The following CAB39L variants were observed in gnomAD, a reference collection of about 807,000 sequenced individuals.
The protein encoded by CAB39L is calcium binding protein 39 like.
In CAB39L, 23 loss-of-function variants were observed where a neutral mutation model predicts 39.1. The ratio of observed to expected loss-of-function variants is 0.59; its 90% CI spans 0.42 to 0.83. The LOEUF (loss-of-function observed/expected upper bound fraction) is 0.83. CAB39L is among the 40% of genes least tolerant of loss of function. The pLI is 0.00. For missense variants in CAB39L, 366 were observed against 391.9 expected, an observed-to-expected ratio of 0.93 and a Z score of 0.56; for synonymous variants, 126 against 137.2, an observed-to-expected ratio of 0.92 and a Z score of 0.57.
At chr13:49,438,707 A>T (rs1957456504) in intron 1 of CAB39L, among the ~76,000 whole-genome samples, 1 of 152,212 alleles carries the variant, frequency 6.6e-6, no homozygotes, top group African/African-American at 2.4e-5. Flanking sequence ...TCAATGCAAG[A>T]AGGGTTTATT....
In CAB39L at chr13:49,439,921, G is replaced by GTTTTTTTT. The variant is rs34993624; in HGVS notation, c.-246+4057_-246+4064dup. Among the ~76,000 whole-genome samples, 138 of 78,560 alleles carry GTTTTTTTT rather than the reference G, an allele frequency of 1.8e-3. 2 individuals carry two copies. Among genetic ancestry groups the GTTTTTTTT allele is most frequent in the East Asian group, 2.9e-3 (6 of 2,062 alleles). 51.5% of individuals were successfully genotyped at this position (78,560 alleles called of 152,430 possible). A position where few individuals can be genotyped will look rare whatever the true frequency, so the allele number is the denominator to read the frequency against. Reference sequence around the variant, plus strand: ...ATGTCTTTTGACCACTTTTTAATGGGTTTTTTTTTTTTTTTTTTTTGCTTG... The same window carrying GTTTTTTTT: ...ATGTCTTTTGACCACTTTTTAATGGGTTTTTTTTTTTTTTTTTTTTTTTTTTTTGCTTG... On this transcript the variant is annotated intron_variant, in intron 1 of 10. Coordinates refer to ENST00000409308, the MANE Select transcript of CAB39L (RefSeq NM_001079670.3).
At chr13:49,404,500 T>A (rs1182459778) in intron 3 of CAB39L, among the ~76,000 whole-genome samples, 2 of 146,446 alleles carry the variant, frequency 1.4e-5, no homozygotes, top group East Asian at 2.0e-4. Flanking sequence ...TTAGAATAAA[T>A]ACCTAACTCT....
intron 9 of CAB39L, among the ~76,000 whole-genome samples, chr13:49,337,579 T>A (rs927134220): frequency 1.3e-5 from 2 of 152,138 alleles, no homozygotes; most frequent in African/African-American, 4.8e-5. Flanking sequence ...AATAGGTGCA[T>A]AACCTCAAGT....
At chr13:49,380,951 G>C (rs1339454755) in intron 4 of CAB39L, among the ~76,000 whole-genome samples, 2 of 152,010 alleles carry the variant, frequency 1.3e-5, no homozygotes, top group Admixed American at 6.6e-5. Flanking sequence ...TTTTAAGATG[G>C]AGTTTTGCTC....
intron 6 of CAB39L, among the ~76,000 whole-genome samples, chr13:49,352,515 A>G (rs1404251795): frequency 1.3e-5 from 2 of 151,944 alleles, no homozygotes; most frequent in Non-Finnish European, 2.9e-5. Context: ...GCACTTTGGG[A>G]GGCTGAGGTG....
chr13:49,354,660 C>T (rs1415903031), intron 6 of CAB39L, among the ~76,000 whole-genome samples: 1 of 152,214 alleles, frequency 6.6e-6, no homozygotes, highest in African/African-American at 2.4e-5. Context: ...TTTTATAGAA[C>T]TGAATCTTAT....
At chr13:49,336,270 T>TA (rs1251369224) in intron 9 of CAB39L, among the ~76,000 whole-genome samples, 1 of 151,968 alleles carries the variant, frequency 6.6e-6, no homozygotes, top group Non-Finnish European at 1.5e-5. Flanking sequence ...AATCTAACAT[T>TA]AAAAAAAACC....
chr13:49,374,257 G>C (rs556928835), intron 5 of CAB39L, among the ~76,000 whole-genome samples: 1 of 152,070 alleles, frequency 6.6e-6, no homozygotes, highest in East Asian at 1.9e-4. Context: ...CTTCATAATA[G>C]TTTTGAATCA....
intron 9 of CAB39L, among the ~76,000 whole-genome samples, chr13:49,333,577 T>TC (rs1954769345): frequency 2.1e-5 from 3 of 143,178 alleles, no homozygotes; most frequent in Non-Finnish European, 4.6e-5. Context: ...TCTTTTTTTT[T>TC]TTTTTTTTTT....
chr13:49,427,430 A>G (rs1957261142), intron 3 of CAB39L, among the ~76,000 whole-genome samples: 1 of 152,108 alleles, frequency 6.6e-6, no homozygotes, highest in Non-Finnish European at 1.5e-5. Flanking sequence ...ATTGTTCCCA[A>G]AGCAATCCCA....
intron 3 of CAB39L, among the ~76,000 whole-genome samples, chr13:49,422,112 A>C (rs1957180498): frequency 6.6e-6 from 1 of 152,118 alleles, no homozygotes; most frequent in East Asian, 1.9e-4. Context: ...ACTGTGCAAC[A>C]ATTTTCTTTT....
At chr13:49,437,162 T>G (rs1343626123) in intron 1 of CAB39L, among the ~76,000 whole-genome samples, 1 of 152,248 alleles carries the variant, frequency 6.6e-6, no homozygotes, top group Non-Finnish European at 1.5e-5. Flanking sequence ...TTGAAATATT[T>G]TATTTTTCCT....
intron 2 of CAB39L, among the ~76,000 whole-genome samples, 182 bp downstream of exon 2, chr13:49,433,904 C>CT (rs1187710773): frequency 6.6e-6 from 1 of 152,182 alleles, no homozygotes; most frequent in Admixed American, 6.5e-5. Flanking sequence ...TGAAGGGTTT[C>CT]TTGCTTTTAA....
chr13:49,359,603 T>C, intron 6 of CAB39L, 111 bp downstream of exon 6: 1 of 601,062 alleles, frequency 1.7e-6, no homozygotes, highest in Non-Finnish European at 3.0e-6. Flanking sequence ...GACAAATACC[T>C]TTACTGCAGT....
At chr13:49,356,109 T>G (rs1321063729) in intron 6 of CAB39L, among the ~76,000 whole-genome samples, 1 of 152,154 alleles carries the variant, frequency 6.6e-6, no homozygotes, top group Non-Finnish European at 1.5e-5. Flanking sequence ...ACAATTAAGT[T>G]TAAGGTTGAT....
At chr13:49,360,471 T>C (rs1406595766) in intron 5 of CAB39L, among the ~76,000 whole-genome samples, 2 of 152,182 alleles carry the variant, frequency 1.3e-5, no homozygotes, top group Non-Finnish European at 2.9e-5. Context: ...AGATATGCAA[T>C]CATGGATAGG....
chr13:49,371,971 T>G (rs1955930763), intron 5 of CAB39L, among the ~76,000 whole-genome samples: 1 of 152,166 alleles, frequency 6.6e-6, no homozygotes, highest in Non-Finnish European at 1.5e-5. Context: ...TTCTGCTTCT[T>G]TGAGCTGCTT....
At position 49,342,471 on chromosome 13, in the gene CAB39L, T is replaced by C. The variant is rs560053819; in HGVS notation, c.624+1708A>G. On this transcript the variant is annotated intron_variant, in intron 8 of 10. Coordinates refer to ENST00000409308, the MANE Select transcript of CAB39L (RefSeq NM_001079670.3). ...AAAAATCCATTCATCATACCATATATATAAATATTTAGAACTTCTTGGTTT... is the reference window on the plus strand; with the variant it reads ...AAAAATCCATTCATCATACCATATACATAAATATTTAGAACTTCTTGGTTT... Among the ~76,000 whole-genome samples the C allele has an allele frequency of 2.8e-4, 42 of 152,326 alleles. 1 individual carries two copies. Among genetic ancestry groups the C allele is most frequent in the Admixed American group, 7.2e-4 (11 of 15,296 alleles).
intron 10 of CAB39L, among the ~76,000 whole-genome samples, chr13:49,313,209 C>T (rs770867262): frequency 5.3e-5 from 8 of 152,090 alleles, no homozygotes; most frequent in East Asian, 3.8e-4. Context: ...GGGCCAGGCG[C>T]GGTGGCTCAT....
Sources: allele counts gnomAD v4.1 joint callset (sites outside exome capture counted in the v4.1 genomes callset), GRCh38; gene constraint gnomAD v4.1.1; transcripts MANE v1.5; gene names NCBI Gene and HGNC (gene_info 2026-07-23, HGNC 2026-07-21).